SERGEF: variants seen among roughly 807,000 people sequenced by gnomAD.
The protein encoded by SERGEF is secretion-regulating guanine nucleotide exchange factor.
In SERGEF, 51 loss-of-function variants were observed where a neutral mutation model predicts 50.0. The observed-to-expected ratio is 1.02, with a 90% CI of 0.81 to 1.29. The LOEUF (loss-of-function observed/expected upper bound fraction) is 1.29. Ranked by LOEUF, SERGEF falls within the 50% of genes most tolerant of loss-of-function variation. The pLI, the probability that SERGEF is intolerant of heterozygous loss-of-function variation, is 0.00. For missense variants in SERGEF, 521 were observed against 557.0 expected, an observed-to-expected ratio of 0.94 and a Z score of 0.65; for synonymous variants, 205 against 212.4, an observed-to-expected ratio of 0.97 and a Z score of 0.30.
At chr11:17,812,504 G>A (rs1000040837) in intron 10 of SERGEF, among the ~76,000 whole-genome samples, 1 of 152,212 alleles carries the variant, frequency 6.6e-6, no homozygotes, top group African/African-American at 2.4e-5. Flanking sequence ...GCTGTCTGCT[G>A]CTGGCTTCAT....
intron 10 of SERGEF, among the ~76,000 whole-genome samples, chr11:17,875,211 T>C (rs1004939634): frequency 6.6e-6 from 1 of 152,218 alleles, no homozygotes; most frequent in African/African-American, 2.4e-5. Flanking sequence ...GGAGCAGTTT[T>C]GGAAGTCAGG....
At chr11:17,865,780 A>G (rs962306978) in intron 10 of SERGEF, among the ~76,000 whole-genome samples, 1 of 152,206 alleles carries the variant, frequency 6.6e-6, no homozygotes, top group South Asian at 2.1e-4. Flanking sequence ...AGCTATGGTT[A>G]ATTTACGTTT....
intron 9 of SERGEF, among the ~76,000 whole-genome samples, chr11:17,904,847 T>G (rs374117827): frequency 2.6e-5 from 4 of 152,234 alleles, no homozygotes; most frequent in East Asian, 3.8e-4. Context: ...GCTTGAGAAC[T>G]GGATCAGTCC....
intron 10 of SERGEF, among the ~76,000 whole-genome samples, chr11:17,867,563 C>G (rs950643166): frequency 1.3e-5 from 2 of 152,144 alleles, no homozygotes; most frequent in African/African-American, 4.8e-5. Context: ...GTGGATCTAC[C>G]ATTCTGGGGC....
chr11:17,793,059 G>A (rs530543678), intron 10 of SERGEF, among the ~76,000 whole-genome samples: 2 of 152,292 alleles, frequency 1.3e-5, no homozygotes, highest in East Asian at 3.9e-4. Flanking sequence ...ACAACTGTGT[G>A]ATAATGGTAC....
intron 9 of SERGEF, among the ~76,000 whole-genome samples, chr11:17,929,327 A>G (rs1852309568): frequency 6.6e-6 from 1 of 152,198 alleles, no homozygotes; most frequent in Non-Finnish European, 1.5e-5. Flanking sequence ...CTTCATGCTC[A>G]AGGCAGCCAC....
At chr11:17,950,471 A>G (rs1852754467) in intron 9 of SERGEF, among the ~76,000 whole-genome samples, 3 of 152,236 alleles carry the variant, frequency 2.0e-5, no homozygotes, top group Non-Finnish European at 4.4e-5. Context: ...AGTCTAAAGA[A>G]AAAGAGCATA....
intron 1 of SERGEF, chr11:18,010,189 A>ATACT: frequency 1.4e-6 from 1 of 716,124 alleles, no homozygotes; most frequent in South Asian, 1.6e-5. Context: ...ACATATATAC[A>ATACT]TACTTACATA....
In SERGEF at chr11:18,004,248, T is replaced by C. The variant is rs1854026086; in HGVS notation, c.447+193A>G. On this transcript the variant is annotated intron_variant, in intron 4 of 10. Coordinates refer to ENST00000265965, the MANE Select transcript of SERGEF (RefSeq NM_012139.4). Reference sequence around the variant, plus strand: ...AACTTCATATGAAGTGTATGAAAACTAACAGAGGTTTTCATTCACAACGTT... The same window carrying C: ...AACTTCATATGAAGTGTATGAAAACCAACAGAGGTTTTCATTCACAACGTT... Among the ~76,000 whole-genome samples the C allele has an allele frequency of 1.3e-5, 2 of 152,258 alleles. 1 individual carries two copies. The highest frequency in any genetic ancestry group is 4.1e-4 in the South Asian group (2 of 4,834).
chr11:17,996,649 A>C (rs1484036040), intron 5 of SERGEF, among the ~76,000 whole-genome samples: 5 of 152,196 alleles, frequency 3.3e-5, no homozygotes, highest in Non-Finnish European at 7.4e-5. Context: ...CAGCAACATT[A>C]AGGTTCTGCT....
At chr11:17,889,904 A>G (rs1022366761) in intron 9 of SERGEF, among the ~76,000 whole-genome samples, 5 of 152,050 alleles carry the variant, frequency 3.3e-5, no homozygotes. Flanking sequence ...GGATAGGTAT[A>G]TCCAGGAAGC....
At chr11:17,958,132 GA>G (rs1292807930) in intron 9 of SERGEF, among the ~76,000 whole-genome samples, 1 of 152,136 alleles carries the variant, frequency 6.6e-6, no homozygotes, top group Non-Finnish European at 1.5e-5. Context: ...CCAGCACTAC[GA>G]AAAGGCCCAG....
chr11:17,996,530 A>G (rs1396816710), intron 5 of SERGEF, among the ~76,000 whole-genome samples: 2 of 152,332 alleles, frequency 1.3e-5, no homozygotes, highest in East Asian at 3.9e-4. Flanking sequence ...TTTCATGCCC[A>G]CTGAATCTAA....
At chr11:17,892,146 C>CA (rs1851543321) in intron 9 of SERGEF, among the ~76,000 whole-genome samples, 1 of 152,066 alleles carries the variant, frequency 6.6e-6, no homozygotes, top group Non-Finnish European at 1.5e-5. Flanking sequence ...AACATAAGAA[C>CA]ACTATTATAG....
intron 6 of SERGEF, among the ~76,000 whole-genome samples, chr11:17,994,058 G>A (rs1483923080): frequency 6.6e-6 from 1 of 152,118 alleles, no homozygotes; most frequent in African/African-American, 2.4e-5. Flanking sequence ...AGAGCAAAAT[G>A]ACACACCGCT....
At chr11:18,001,443 C>T (rs1171965199) in intron 4 of SERGEF, among the ~76,000 whole-genome samples, 4 of 152,156 alleles carry the variant, frequency 2.6e-5, no homozygotes, top group Non-Finnish European at 5.9e-5. Context: ...CTGGGGGAAA[C>T]CAGATGCTAT....
chr11:17,815,779 G>T (rs1223878465), intron 10 of SERGEF, among the ~76,000 whole-genome samples: 1 of 151,902 alleles, frequency 6.6e-6, no homozygotes. Flanking sequence ...AAAATTAGCT[G>T]GGCGTGGTGG....
At chr11:17,895,193 C>T (rs981446767) in intron 9 of SERGEF, among the ~76,000 whole-genome samples, 15 of 152,184 alleles carry the variant, frequency 9.9e-5, no homozygotes, top group African/African-American at 3.4e-4. Flanking sequence ...CCCAGAGCCC[C>T]TCACCGTAAG....
rs192023289 is a variant in SERGEF at position 17,866,462 on chromosome 11, A to G, written c.1048+11746T>C. 1.1e-4 allele frequency among the ~76,000 whole-genome samples: 16 copies of G among 152,312 alleles called. No individual in the cohort carries two copies. In the East Asian group the frequency reaches 3.1e-3, roughly 29 times the overall value. On this transcript the variant is annotated intron_variant, in intron 10 of 10. Coordinates refer to ENST00000265965, the MANE Select transcript of SERGEF (RefSeq NM_012139.4). The stretch of plus-strand genomic sequence containing the variant: ...TCTAGGTTTGTTAAGTACACTTTAT[A>G]TTGCTTATGACAAAATCATCTAATG...
Sources: gnomAD v4.1 joint callset for allele counts (sites outside exome capture counted in the v4.1 genomes callset) on GRCh38, gnomAD v4.1.1 for gene constraint, MANE v1.5 for transcripts, NCBI Gene and HGNC (gene_info 2026-07-23, HGNC 2026-07-21) for gene names.